The following HMG20A variants were observed in gnomAD, a reference collection of about 807,000 sequenced individuals.
HMG20A encodes the protein high mobility group protein 20A.
Under a neutral mutation model 43.9 loss-of-function variants are expected in HMG20A, and 17 were observed. The ratio of observed to expected loss-of-function variants is 0.39; its 90% CI spans 0.27 to 0.58. HMG20A has a LOEUF of 0.58. Ranked by LOEUF, HMG20A falls within the 20% of genes least tolerant of loss-of-function variation. The pLI is 0.59. For synonymous variants in HMG20A, 132 were observed against 147.5 expected (o/e 0.89, Z 0.76); for missense variants, 341 against 438.2 (o/e 0.78, Z 1.98).
chr15:77,472,829 A>G (rs547425722), intron 6 of HMG20A, among the ~76,000 whole-genome samples: 3 of 152,264 alleles, frequency 2.0e-5, no homozygotes, highest in East Asian at 1.9e-4. Flanking sequence ...GATCTGACCT[A>G]GGGGTTTTGA....
At chr15:77,459,044 A>T (rs2072682083) in intron 2 of HMG20A, among the ~76,000 whole-genome samples, 1 of 152,180 alleles carries the variant, frequency 6.6e-6, no homozygotes, top group Non-Finnish European at 1.5e-5. Flanking sequence ...GTTCCACTTG[A>T]ATTTTTATCT....
chr15:77,505,282 C>T, the HMG20A span, among the ~76,000 whole-genome samples: 1 of 152,232 alleles, frequency 6.6e-6, no homozygotes, highest in Non-Finnish European at 1.5e-5. Flanking sequence ...CAGAGATTTC[C>T]AGGTTCGAGG....
chr15:77,493,184 A>T, the HMG20A span, among the ~76,000 whole-genome samples: 16 of 152,198 alleles, frequency 1.1e-4, no homozygotes, highest in Non-Finnish European at 1.9e-4. Flanking sequence ...TGATGTTGCC[A>T]TGTGGTATCA....
At chr15:77,449,557 C>G (rs530245011) in intron 1 of HMG20A, among the ~76,000 whole-genome samples, 2 of 152,048 alleles carry the variant, frequency 1.3e-5, no homozygotes, top group East Asian at 3.9e-4. Context: ...GTGTTTATTC[C>G]CAAACCTCTT....
chr15:77,495,796 C>T, the HMG20A span, among the ~76,000 whole-genome samples: 1 of 152,126 alleles, frequency 6.6e-6, no homozygotes, highest in Non-Finnish European at 1.5e-5. Flanking sequence ...TTTTCATCCC[C>T]TAGAAGCCCC....
chr15:77,463,643 A>G (rs1427108711), intron 2 of HMG20A, among the ~76,000 whole-genome samples: 1 of 152,186 alleles, frequency 6.6e-6, no homozygotes, highest in African/African-American at 2.4e-5. Context: ...CTGGAATAGT[A>G]TAGTGGGAGC....
intron 1 of HMG20A, among the ~76,000 whole-genome samples, chr15:77,433,353 A>AAG (rs2073509794): frequency 6.6e-6 from 1 of 151,954 alleles, no homozygotes; most frequent in East Asian, 1.9e-4. Flanking sequence ...AAAAAAAAAA[A>AAG]AAAAAAAATT....
Position 77,452,662 on chromosome 15 carries a change from A to G in HMG20A, c.-4-5742A>G, listed in dbSNP as rs537790370. On this transcript the variant is annotated intron_variant, in intron 1 of 9. Transcript: ENST00000336216. The stretch of plus-strand genomic sequence containing the variant: ...AATTATAAAGCTCTTAGAAGAACAC[A>G]TAAGGGTAAATCTTCACAACTTTGA... 2.8e-3 allele frequency among the ~76,000 whole-genome samples: 419 copies of G among 152,334 alleles called. 3 individuals carry two copies. The highest frequency in any genetic ancestry group is 9.5e-3 in the African/African-American group (393 of 41,568).
intron 1 of HMG20A, among the ~76,000 whole-genome samples, chr15:77,445,008 A>G (rs191372879): frequency 3.3e-5 from 5 of 151,466 alleles, no homozygotes; most frequent in Admixed American, 3.3e-4. Context: ...CTTTTAGGAA[A>G]TCTTCCTAGG....
the HMG20A span, among the ~76,000 whole-genome samples, chr15:77,518,398 A>C: frequency 0.25 from 38,462 of 152,090 alleles, 4,978 homozygotes; most frequent in Middle Eastern, 0.29. Flanking sequence ...TTGGTGATCT[A>C]GCCCACCTGC....
At chr15:77,439,226 T>A (rs1349264587) in intron 1 of HMG20A, among the ~76,000 whole-genome samples, 2 of 152,252 alleles carry the variant, frequency 1.3e-5, no homozygotes, top group African/African-American at 4.8e-5. Flanking sequence ...CAGTGATCTT[T>A]GTGGGACCTT....
Position 77,470,892 on chromosome 15 carries a change from T to G in HMG20A, c.451-18T>G. The G allele has an allele frequency of 6.4e-7, 1 of 1,551,708 alleles. No individual in the cohort carries two copies. Among genetic ancestry groups the G allele is most frequent in the Non-Finnish European group, 8.6e-7 (1 of 1,157,744 alleles). The stretch of plus-strand genomic sequence containing the variant: ...AGGATCTCATTTTCTTGAAAATAAT[T>G]CTGTATTTCTTTCCTAGCGCTACCT... On this transcript the variant is annotated intron_variant, in intron 4 of 9. Transcript: ENST00000336216.
intron 1 of HMG20A, among the ~76,000 whole-genome samples, chr15:77,423,465 A>G (rs1429064380): frequency 2.0e-5 from 3 of 152,182 alleles, no homozygotes; most frequent in Non-Finnish European, 4.4e-5. Context: ...ATATTTTTGT[A>G]CATGTACTGT....
intron 1 of HMG20A, among the ~76,000 whole-genome samples, chr15:77,432,865 A>G (rs771043759): frequency 2.0e-5 from 3 of 152,140 alleles, no homozygotes; most frequent in Non-Finnish European, 2.9e-5. Flanking sequence ...TACCAGTATC[A>G]GGAATGAAAA....
chr15:77,467,605 CAAT>C (rs2072768778), intron 4 of HMG20A, among the ~76,000 whole-genome samples: 2 of 152,076 alleles, frequency 1.3e-5, no homozygotes, highest in Non-Finnish European at 2.9e-5. Context: ...AGAAATCTGT[CAAT>C]AAAATGTATT....
intron 1 of HMG20A, among the ~76,000 whole-genome samples, chr15:77,433,338 T>TTA (rs1555508173): frequency 2.5e-5 from 3 of 118,544 alleles, no homozygotes; most frequent in East Asian, 2.4e-4. Flanking sequence ...ACCCTGTCTC[T>TTA]AAAAAAAAAA....
chr15:77,424,713 A>G (rs1036581813), intron 1 of HMG20A, among the ~76,000 whole-genome samples: 2 of 151,996 alleles, frequency 1.3e-5, no homozygotes, highest in Admixed American at 1.3e-4. Flanking sequence ...TCAAGATTTA[A>G]TTTTTTTTCC....
the HMG20A span, among the ~76,000 whole-genome samples, chr15:77,492,425 T>C: frequency 1.3e-5 from 2 of 152,100 alleles, no homozygotes; most frequent in Non-Finnish European, 2.9e-5. Flanking sequence ...AAATGTAATT[T>C]CCCCCCATCC....
chr15:77,478,637 C>A, intron 8 of HMG20A, 127 bp downstream of exon 8: 1 of 718,668 alleles, frequency 1.4e-6, no homozygotes, highest in Non-Finnish European at 2.3e-6. Flanking sequence ...AATTAAACTA[C>A]ATTTTTTCTT....
Sources: gnomAD v4.1 joint callset for allele counts (sites outside exome capture counted in the v4.1 genomes callset) on GRCh38, gnomAD v4.1.1 for gene constraint, MANE v1.5 for transcripts, NCBI Gene and HGNC (gene_info 2026-07-23, HGNC 2026-07-21) for gene names.